Variants in AFF3 observed in about 807,000 individuals in gnomAD.
AFF3 encodes the protein AF4/FMR2 family member 3.
Under a neutral mutation model 129.7 loss-of-function variants are expected in AFF3, and 32 were observed. The ratio of observed to expected loss-of-function variants is 0.25; its 90% CI spans 0.19 to 0.33. The LOEUF is 0.33. Ranked by LOEUF, AFF3 falls within the 10% of genes least tolerant of loss-of-function variation. The pLI, the probability that AFF3 is intolerant of heterozygous loss-of-function variation, is 1.00. For synonymous variants in AFF3, 644 were observed against 635.4 expected, an observed-to-expected ratio of 1.01 and a Z score of -0.20; for missense variants, 1,373 against 1,592.0, an observed-to-expected ratio of 0.86 and a Z score of 2.34.
At chr2:100,116,580 A>T (rs1056705752) in intron 2 of AFF3, among the ~76,000 whole-genome samples, 1 of 152,150 alleles carries the variant, frequency 6.6e-6, no homozygotes, top group Non-Finnish European at 1.5e-5. Context: ...GTCCAATATT[A>T]ATTGTTATTT....
In AFF3 at chr2:99,554,770, T is replaced by C. The variant is rs767492418; in HGVS notation, c.3286-38A>G. ...AAAAACACTGACAGTGAGTGCCATC[T>C]GCGTGAGGTGAAACAGGTGACATGA... On this transcript the variant is annotated intron_variant, in intron 22 of 24. Transcript: ENST00000672756. The C allele has an allele frequency of 3.7e-6, 6 of 1,612,268 alleles. No individual in the cohort carries two copies. The South Asian group carries it at 6.6e-5, about 18-fold the overall frequency.
chr2:99,631,186 A>G (rs1422462111), intron 13 of AFF3, among the ~76,000 whole-genome samples: 3 of 152,116 alleles, frequency 2.0e-5, no homozygotes, highest in Non-Finnish European at 4.4e-5. Flanking sequence ...CTTCTTTCCC[A>G]AAGAACCCCA....
intron 8 of AFF3, among the ~76,000 whole-genome samples, chr2:99,809,623 G>C (rs536021954): frequency 2.0e-5 from 3 of 152,188 alleles, no homozygotes; most frequent in African/African-American, 2.4e-5. Flanking sequence ...AGCTGTAGGG[G>C]ATGTTCTGGG....
chr2:99,793,957 A>C (rs1232278494), intron 8 of AFF3, among the ~76,000 whole-genome samples: 2 of 152,224 alleles, frequency 1.3e-5, no homozygotes, highest in Non-Finnish European at 2.9e-5. Flanking sequence ...TACATTTTAC[A>C]TACACATCTT....
rs1331929985 is a variant in AFF3, at chr2:99,756,612, T to C, written c.922-4311A>G. On this transcript the variant is annotated intron_variant, in intron 8 of 24. Transcript: ENST00000672756. The stretch of plus-strand genomic sequence containing the variant: ...CACTGGTATTGGTTTAACATCAATC[T>C]TTCCTTCTCCACTGGCTTTTTCCCC... 3.9e-5 allele frequency among the ~76,000 whole-genome samples: 6 copies of C among 152,222 alleles called. No individual in the cohort carries two copies. In the East Asian group the frequency reaches 9.6e-4, roughly 24 times the overall value.
At chr2:99,777,947 C>CAAAAAAAAAAGAAAAAAA (rs1684052044) in intron 8 of AFF3, among the ~76,000 whole-genome samples, 1 of 48,340 alleles carries the variant, frequency 2.1e-5, no homozygotes, top group Non-Finnish European at 3.8e-5. Flanking sequence ...AAAGCAAAAG[C>CAAAAAAAAAAGAAAAAAA]AAAAAAAAAA....
chr2:100,084,311 G>C (rs180942760), intron 4 of AFF3, among the ~76,000 whole-genome samples: 1 of 152,266 alleles, frequency 6.6e-6, no homozygotes, highest in African/African-American at 2.4e-5. Flanking sequence ...AACACTTTAC[G>C]CATATTAGCT....
chr2:99,589,923 C>T (rs183133692), intron 15 of AFF3, among the ~76,000 whole-genome samples: 2 of 152,314 alleles, frequency 1.3e-5, no homozygotes, highest in Non-Finnish European at 2.9e-5. Context: ...GAGGTGTCTA[C>T]AGTATTTGCT....
chr2:100,110,976 T>A (rs1398048257), intron 2 of AFF3, among the ~76,000 whole-genome samples: 1 of 152,198 alleles, frequency 6.6e-6, no homozygotes, highest in Non-Finnish European at 1.5e-5. Context: ...ACACCACCCC[T>A]TCCTCTAGGT....
intron 2 of AFF3, among the ~76,000 whole-genome samples, chr2:100,116,967 A>G (rs1288140809): frequency 6.6e-6 from 1 of 152,170 alleles, no homozygotes; most frequent in Non-Finnish European, 1.5e-5. Context: ...TGACAGATTA[A>G]CAGTTCTTTT....
intron 4 of AFF3, among the ~76,000 whole-genome samples, chr2:100,074,488 T>C (rs1688441611): frequency 6.6e-6 from 1 of 152,222 alleles, no homozygotes; most frequent in Admixed American, 6.5e-5. Context: ...TATACTGTGC[T>C]GAACACTACG....
intron 7 of AFF3, among the ~76,000 whole-genome samples, chr2:99,886,552 C>T (rs965539199): frequency 6.6e-6 from 1 of 152,110 alleles, no homozygotes; most frequent in East Asian, 1.9e-4. Context: ...ACTGCCTCCC[C>T]CTCCATGCTA....
intron 10 of AFF3, among the ~76,000 whole-genome samples, chr2:99,739,231 T>C (rs1443020885): frequency 6.6e-6 from 1 of 152,156 alleles, no homozygotes; most frequent in East Asian, 1.9e-4. Context: ...CTGGGGGCTG[T>C]TCCCACCACC....
chr2:99,617,585 C>CT (rs1397770311), intron 13 of AFF3, among the ~76,000 whole-genome samples: 1 of 152,130 alleles, frequency 6.6e-6, no homozygotes, highest in African/African-American at 2.4e-5. Context: ...GTATATATCT[C>CT]TGTCTGTGGT....
chr2:99,582,906 G>A lies in AFF3; in HGVS notation c.2685C>T (p.Asp895=). 1 of 1,614,188 alleles carries A rather than the reference G, an allele frequency of 6.2e-7. No individual in the cohort carries two copies. Among genetic ancestry groups the A allele is most frequent in the Non-Finnish European group, 8.5e-7 (1 of 1,180,032 alleles). Residue 895 remains aspartate, a synonymous_variant, in exon 17 of 25, where the codon GAC becomes GAT. Transcript: ENST00000672756. ...DASKHKYTSE[D]LTSSSRPNGN... is the part of the protein sequence containing the mutation. ...CATTAGGTCGGCTGGAAGAAGTTAA[G>A]TCCTCGCTGGTGTATTTGTGTTTAG...
In AFF3 at chr2:99,594,075, T is replaced by C. The variant is rs1229088763; in HGVS notation, c.1586A>G (p.Glu529Gly). Residue 529 changes from glutamate to glycine, a missense_variant, in exon 15 of 25, where the codon GAG (glutamate) becomes GGG (glycine). Around this residue, in one of 9 missense-constraint regions of AFF3, gnomAD observed 413 missense variants for 424.4 expected, o/e 0.97. Coordinates refer to ENST00000672756, the MANE Select transcript of AFF3 (RefSeq NM_001386135.1). ...GTTGGCTGTCCTTGGCCTTTGCTCC[T>C]CCTTGCAAGTGCTCTTGATCTCCTT... ...REKEIKSTCK[E>G]EQRPRTANKA... is the part of the protein sequence containing the mutation. The C allele has an allele frequency of 3.1e-6, 5 of 1,613,842 alleles. No individual in the cohort carries two copies. Among genetic ancestry groups the C allele is most frequent in the Non-Finnish European group, 4.2e-6 (5 of 1,179,850 alleles).
intron 8 of AFF3, among the ~76,000 whole-genome samples, chr2:99,780,851 T>C (rs554033554): frequency 3.3e-5 from 5 of 152,300 alleles, no homozygotes; most frequent in African/African-American, 4.8e-5. Context: ...CACCTTAGTA[T>C]ACAACACTGT....
In AFF3 at chr2:99,575,414, A is replaced by ATTTTTTTTTTT. The variant is rs540441950; in HGVS notation, c.2918+2902_2918+2912dup. On this transcript the variant is annotated intron_variant, in intron 18 of 24. Coordinates refer to ENST00000672756, the MANE Select transcript of AFF3 (RefSeq NM_001386135.1). ...AGCTGGGATTACAGGTGCCTGGCTA[A>ATTTTTTTTTTT]TTTTTTTTTTTTTTTTTTGTATTTT... Among the ~76,000 whole-genome samples the ATTTTTTTTTTT allele has an allele frequency of 1.9e-4, 24 of 127,452 alleles. 1 individual carries two copies. Among genetic ancestry groups the ATTTTTTTTTTT allele is most frequent in the African/African-American group, 6.8e-4 (22 of 32,494 alleles). The allele number at this position is 127,452 out of a possible 152,430, so 83.6% of individuals were successfully genotyped here. A position where few individuals can be genotyped will look rare whatever the true frequency, so the allele number is the denominator to read the frequency against.
chr2:99,563,830 A>AAAAG (rs1488682008), intron 20 of AFF3, among the ~76,000 whole-genome samples: 4 of 149,708 alleles, frequency 2.7e-5, no homozygotes, highest in Admixed American at 6.6e-5. Context: ...AAAAAAAAAA[A>AAAAG]AAAGAAAGAA....
Sources: allele counts gnomAD v4.1 joint callset (sites outside exome capture counted in the v4.1 genomes callset), GRCh38; gene constraint gnomAD v4.1.1; regional missense constraint gnomAD v4.1.1; transcripts MANE v1.5; gene names NCBI Gene and HGNC (gene_info 2026-07-23, HGNC 2026-07-21).